Variants in C10orf71 observed in about 807,000 individuals in gnomAD.
The protein encoded by C10orf71 is cardiac-enriched FHL2-interacting protein.
For missense variants in C10orf71, 1,869 were observed against 1,804.5 expected (o/e 1.04, Z -0.65); for synonymous variants, 758 against 726.3 (o/e 1.04, Z -0.70).
chr10:49,319,195 C>T (rs1849048404), intron 2 of C10orf71, among the ~76,000 whole-genome samples: 1 of 152,186 alleles, frequency 6.6e-6, no homozygotes, highest in Non-Finnish European at 1.5e-5. Flanking sequence ...CTTATCCCCT[C>T]CCCCAGGCCA....
In C10orf71 at chr10:49,325,730, C is replaced by CG. The variant is rs1564693110; in HGVS notation, c.3185_3186insG (p.Gly1063ArgfsTer32). The CG allele has an allele frequency of 1.9e-6, 3 of 1,551,532 alleles. No homozygotes were observed. The highest frequency in any genetic ancestry group is 2.6e-6 in the Non-Finnish European group (3 of 1,146,886). On this transcript the variant is annotated frameshift_variant, in exon 3 of 3. Coordinates refer to ENST00000374144, the MANE Select transcript of C10orf71 (RefSeq NM_001135196.2). LOFTEE classifies it low-confidence loss of function (END_TRUNC). ...GCGAATTCCCCCAACCCCGGCTCCC[C>CG]CGGGGAGAGCAGTGCCTGCTCCCCT...
intron 1 of C10orf71, among the ~76,000 whole-genome samples, chr10:49,310,831 G>A (rs1848899864): frequency 1.3e-5 from 2 of 152,268 alleles, no homozygotes; most frequent in South Asian, 4.1e-4. Flanking sequence ...AGAAGAAGAA[G>A]AGGAGGAAGT....
intron 1 of C10orf71, among the ~76,000 whole-genome samples, chr10:49,305,165 T>C (rs1848791414): frequency 6.6e-6 from 1 of 152,208 alleles, no homozygotes; most frequent in Admixed American, 6.5e-5. Flanking sequence ...GGTCTCAAGA[T>C]GAGCTCTAAG....
intron 1 of C10orf71, among the ~76,000 whole-genome samples, chr10:49,306,388 C>G (rs866012400): frequency 2.6e-5 from 4 of 152,236 alleles, no homozygotes; most frequent in Non-Finnish European, 4.4e-5. Context: ...TTAAGTGACA[C>G]CCATGACAAC....
At chr10:49,313,913 G>A (rs555489767) in intron 1 of C10orf71, among the ~76,000 whole-genome samples, 11 of 152,308 alleles carry the variant, frequency 7.2e-5, no homozygotes, top group South Asian at 2.1e-4. Context: ...GGATGTTTGC[G>A]GGGACCATGG....
chr10:49,316,528 T>C (rs1286233015), intron 2 of C10orf71, among the ~76,000 whole-genome samples: 4 of 152,184 alleles, frequency 2.6e-5, no homozygotes, highest in African/African-American at 9.7e-5. Flanking sequence ...AGAATGAGGA[T>C]ATAAACCCAG....
At chr10:49,319,207 G>A (rs1849048717) in intron 2 of C10orf71, among the ~76,000 whole-genome samples, 1 of 152,112 alleles carries the variant, frequency 6.6e-6, no homozygotes, top group African/African-American at 2.4e-5. Context: ...CCCAGGCCAG[G>A]CAATGTTCTA....
At chr10:49,319,078 C>T (rs112373208) in intron 2 of C10orf71, among the ~76,000 whole-genome samples, 118 of 152,336 alleles carry the variant, frequency 7.7e-4, no homozygotes, top group African/African-American at 2.7e-3. Context: ...GCCAGCTGAA[C>T]ACTTAACAGC....
At chr10:49,297,154 G>A (rs999892654), upstream of C10orf71, among the ~76,000 whole-genome samples, 9 of 152,228 alleles carry the variant, frequency 5.9e-5, no homozygotes, top group East Asian at 1.9e-4. Context: ...AGAATGAAAC[G>A]TAAGCTGGGG....
In C10orf71 at chr10:49,325,775, A is replaced by G. The variant is rs1447575241; in HGVS notation, c.3230A>G (p.Glu1077Gly). 3 of 1,551,350 alleles carry G rather than the reference A, an allele frequency of 1.9e-6. No homozygotes were observed. The African/African-American group carries it at 4.1e-5, about 21-fold the overall frequency. Reference protein sequence around the residue: ...ACSPAASNIWEESSQAPGGPE... With the variant: ...ACSPAASNIWGESSQAPGGPE... ...TCCCCTGCTGCCAGCAACATTTGGG[A>G]GGAGTCTTCCCAGGCCCCTGGAGGA... The change falls in exon 3 of 3, where the codon GAG becomes GGG. Residue 1077 changes from glutamate to glycine, a missense_variant. Transcript: ENST00000374144.
chr10:49,297,258 C>T (rs998015124), upstream of C10orf71, among the ~76,000 whole-genome samples: 5 of 152,232 alleles, frequency 3.3e-5, no homozygotes, highest in African/African-American at 1.2e-4. Context: ...CCAAAGCAAA[C>T]TCCTCCATAA....
At position 49,326,321 on chromosome 10, in the gene C10orf71, G is replaced by C. The variant is rs1385682298; in HGVS notation, c.3776G>C (p.Gly1259Ala). 1 of 1,549,524 alleles carries C rather than the reference G, an allele frequency of 6.5e-7. No individual in the cohort carries two copies. Among genetic ancestry groups the C allele is most frequent in the African/African-American group, 1.4e-5 (1 of 73,152 alleles). The change falls in exon 3 of 3, where the codon GGG becomes GCG. Residue 1259 changes from glycine to alanine, a missense_variant. By Grantham distance (60) the Gly-to-Ala change is moderately conservative. Transcript: ENST00000374144. ...GFSEPVGRRP[G>A]GPQSLTPLPA... ...TCGGAGCCTGTCGGGAGGCGGCCCG[G>C]GGGCCCCCAGTCCCTCACACCCCTG...
rs142364388 is a variant in C10orf71, at chr10:49,309,920, G to A, written c.-247-6225G>A. On this transcript the variant is annotated intron_variant, in intron 1 of 2. Transcript: ENST00000374144. The stretch of plus-strand genomic sequence containing the variant: ...CCCCTGCCATCTCCACTGTCTTCCT[G>A]TTTCCCCTTCTCTAAGAAGTGAAAG... 5.3e-5 allele frequency among the ~76,000 whole-genome samples: 8 copies of A among 152,340 alleles called. No individual in the cohort carries two copies. The East Asian group carries it at 1.5e-3, about 29-fold the overall frequency.
At chr10:49,319,787 A>ACG in intron 2 of C10orf71, among the ~76,000 whole-genome samples, 1 of 136,586 alleles carries the variant, frequency 7.3e-6, no homozygotes, top group South Asian at 2.4e-4. Context: ...ACACACACAC[A>ACG]TATATAGTGG....
In C10orf71 at chr10:49,322,576, G is replaced by C. The variant is rs201897190; in HGVS notation, c.31G>C (p.Ala11Pro). The C allele has an allele frequency of 1.1e-5, 18 of 1,611,698 alleles. No homozygotes were observed. Among genetic ancestry groups the C allele is most frequent in the Non-Finnish European group, 1.4e-5 (16 of 1,178,880 alleles). Residue 11 changes from alanine to proline, a missense_variant, in exon 3 of 3, where the codon GCG becomes CCG. Ala to Pro is a conservative substitution (Grantham distance 27). Transcript: ENST00000374144. MMQGNKKCTD[A>P]FSDSSSIGSV... ...GCAAGGAAATAAGAAGTGCACAGAC[G>C]CGTTCAGCGACTCCTCCAGCATCGG...
intron 2 of C10orf71, 101 bp from the exon 3 acceptor site, chr10:49,322,301 T>TA (rs982809883): frequency 4.5e-6 from 2 of 441,150 alleles, no homozygotes; most frequent in African/African-American, 4.0e-5. Flanking sequence ...GTTTGACACA[T>TA]AAAATTAACC....
intron 1 of C10orf71, among the ~76,000 whole-genome samples, chr10:49,313,881 C>T (rs1219418386): frequency 1.3e-5 from 2 of 152,096 alleles, no homozygotes; most frequent in Non-Finnish European, 2.9e-5. Context: ...AATGGCCTGG[C>T]CTGGACGCTG....
At chr10:49,308,327 T>C (rs1405385826) in intron 1 of C10orf71, among the ~76,000 whole-genome samples, 2 of 152,226 alleles carry the variant, frequency 1.3e-5, no homozygotes, top group South Asian at 2.1e-4. Flanking sequence ...AACCACATCA[T>C]GTTCCTGGGG....
At chr10:49,320,886 T>C (rs553072395) in intron 2 of C10orf71, among the ~76,000 whole-genome samples, 1 of 152,268 alleles carries the variant, frequency 6.6e-6, no homozygotes, top group Admixed American at 6.5e-5. Context: ...TGTCTTTTTT[T>C]AAGCCATTTT....
Sources: gnomAD v4.1 joint callset for allele counts (sites outside exome capture counted in the v4.1 genomes callset) on GRCh38, gnomAD v4.1.1 for gene constraint, MANE v1.5 for transcripts, NCBI Gene and HGNC (gene_info 2026-07-23, HGNC 2026-07-21) for gene names.